The following FAM114A2 variants were observed in gnomAD, a reference collection of about 807,000 sequenced individuals.
FAM114A2 encodes the protein protein FAM114A2.
A neutral mutation model predicts 58.4 loss-of-function variants in FAM114A2; 53 were observed. The ratio of observed to expected loss-of-function variants is 0.91; its 90% CI spans 0.73 to 1.14. FAM114A2 has a LOEUF of 1.14. Among genes scored for constraint, FAM114A2 ranks in the 50% most tolerant of loss-of-function variants. The pLI, the probability that FAM114A2 is intolerant of heterozygous loss-of-function variation, is 0.00. For synonymous variants in FAM114A2, 228 were observed against 211.4 expected (o/e 1.08, Z -0.68); for missense variants, 601 against 581.1 (o/e 1.03, Z -0.35).
chr5:154,027,119 A>G, intron 7 of FAM114A2, 57 bp downstream of exon 7: 1 of 1,396,030 alleles, frequency 7.2e-7, no homozygotes, highest in Non-Finnish European at 9.9e-7. Context: ...AAAGGAAACC[A>G]TGCAGCATTC....
chr5:154,008,255 A>G (rs1470481985), intron 9 of FAM114A2, among the ~76,000 whole-genome samples: 1 of 152,124 alleles, frequency 6.6e-6, no homozygotes, highest in African/African-American at 2.4e-5. Context: ...AGGTGAATGG[A>G]GTGGAAGGGG....
intron 10 of FAM114A2, 48 bp downstream of exon 10, chr5:154,002,799 T>A: frequency 6.2e-7 from 1 of 1,607,888 alleles, no homozygotes; most frequent in Non-Finnish European, 8.5e-7. Flanking sequence ...TTGTGACACA[T>A]TTCAAATCTA....
In FAM114A2 at chr5:154,033,789, A is replaced by G; in HGVS notation, c.403+2T>C. ...TAGGTCTTTATGTTTCCATATACTGACCTGCTACATACTTGACTTCAGTTG... is the reference window on the plus strand; with the variant it reads ...TAGGTCTTTATGTTTCCATATACTGGCCTGCTACATACTTGACTTCAGTTG... On this transcript the variant is annotated splice_donor_variant, in intron 4 of 13. Coordinates refer to ENST00000351797, the MANE Select transcript of FAM114A2 (RefSeq NM_018691.4). LOFTEE classifies it high-confidence loss of function. 6.5e-7 allele frequency: 1 copy of G among 1,534,084 alleles called. No individual in the cohort carries two copies. The highest frequency in any genetic ancestry group is 9.0e-7 in the Non-Finnish European group (1 of 1,110,250).
intron 8 of FAM114A2, among the ~76,000 whole-genome samples, chr5:154,024,926 C>T (rs1381915628): frequency 1.3e-5 from 2 of 152,162 alleles, no homozygotes; most frequent in African/African-American, 2.4e-5. Context: ...AAGCTCACCA[C>T]AGCAGCAAAT....
chr5:154,004,363 C>G (rs970351915), intron 9 of FAM114A2, among the ~76,000 whole-genome samples: 2 of 152,132 alleles, frequency 1.3e-5, no homozygotes, highest in African/African-American at 2.4e-5. Context: ...AGCCTTCACT[C>G]TTTACTCGTC....
chr5:154,016,091 G>A (rs1363692589), intron 8 of FAM114A2, among the ~76,000 whole-genome samples: 1 of 151,988 alleles, frequency 6.6e-6, no homozygotes, highest in Non-Finnish European at 1.5e-5. Context: ...AAGAAAATAT[G>A]AACAAAGCAT....
intron 9 of FAM114A2, among the ~76,000 whole-genome samples, chr5:154,007,655 G>A (rs1770441713): frequency 6.6e-6 from 1 of 152,200 alleles, no homozygotes; most frequent in Non-Finnish European, 1.5e-5. Flanking sequence ...CATTAAGCAT[G>A]TAAACTATGT....
In FAM114A2 at chr5:153,993,081, G is replaced by A. The variant is rs147853164; in HGVS notation, c.1413C>T (p.Asp471=). ...EASNSASYIQ[D]AFQLLLPVLE... is the part of the protein sequence containing the mutation. ...GCACAGGTAAGAGTAGCTGAAAGGC[G>A]TCCTGGATGTAGGAGGCACTGTTTG... The change falls in exon 14 of 14, where the codon GAC becomes GAT. Residue 471 remains aspartate, a synonymous_variant. Transcript: ENST00000351797. 2.9e-4 allele frequency: 469 copies of A among 1,611,596 alleles called. No individual in the cohort carries two copies. The highest frequency in any genetic ancestry group is 3.6e-4 in the Non-Finnish European group (430 of 1,178,350).
intron 9 of FAM114A2, among the ~76,000 whole-genome samples, chr5:154,004,336 A>C (rs1770209143): frequency 6.6e-6 from 1 of 152,072 alleles, no homozygotes; most frequent in South Asian, 2.1e-4. Context: ...TTAAACGCCA[A>C]TATTATTTGG....
At chr5:154,023,713 C>T (rs1159809442) in intron 8 of FAM114A2, among the ~76,000 whole-genome samples, 1 of 152,032 alleles carries the variant, frequency 6.6e-6, no homozygotes, top group East Asian at 1.9e-4. Context: ...GCACCAAATT[C>T]TCACAAATCA....
intron 11 of FAM114A2, among the ~76,000 whole-genome samples, chr5:153,999,986 T>TAC (rs1003011091): frequency 1.3e-5 from 2 of 152,104 alleles, no homozygotes; most frequent in African/African-American, 4.8e-5. Flanking sequence ...TATATGTGTA[T>TAC]ACACACACAC....
intron 6 of FAM114A2, chr5:154,027,649 C>T (rs533000256): frequency 1.1e-3 from 225 of 208,168 alleles, no homozygotes; most frequent in African/African-American, 4.5e-3. Context: ...TATAGGCATA[C>T]GCCACCACGT....
chr5:154,028,102 C>T (rs1432662244), intron 6 of FAM114A2, 47 bp downstream of exon 6: 2 of 1,499,812 alleles, frequency 1.3e-6, no homozygotes, highest in South Asian at 1.3e-5. Flanking sequence ...GGCAAAAATA[C>T]AGATCAAAAC....
At chr5:154,012,582 C>G (rs1188809277) in intron 8 of FAM114A2, among the ~76,000 whole-genome samples, 1 of 152,168 alleles carries the variant, frequency 6.6e-6, no homozygotes, top group African/African-American at 2.4e-5. Context: ...AGGAATAAAA[C>G]AGTGTATCTT....
chr5:154,002,610 C>G (rs1402377605), intron 10 of FAM114A2, among the ~76,000 whole-genome samples: 1 of 152,164 alleles, frequency 6.6e-6, no homozygotes, highest in Non-Finnish European at 1.5e-5. Context: ...ATTTAGATAA[C>G]AAGTGTCAGG....
chr5:154,003,063 G>C (rs1770103753), intron 9 of FAM114A2, 94 bp from the exon 10 acceptor site: 2 of 1,144,824 alleles, frequency 1.7e-6, no homozygotes, highest in South Asian at 2.6e-5. Context: ...CTAGAAGTAA[G>C]GGCTCCTGTT....
intron 8 of FAM114A2, among the ~76,000 whole-genome samples, chr5:154,025,366 T>C (rs997473935): frequency 2.0e-5 from 3 of 152,158 alleles, no homozygotes; most frequent in Non-Finnish European, 2.9e-5. Flanking sequence ...TCTTGATCCA[T>C]GTTATGGCAC....
chr5:153,996,991 TAAAAA>T (rs57110256), intron 12 of FAM114A2, among the ~76,000 whole-genome samples: 3 of 121,300 alleles, frequency 2.5e-5, no homozygotes, highest in Non-Finnish European at 5.2e-5. Flanking sequence ...GAGCAAAACT[TAAAAA>T]AAAAAAAAAA....
At chr5:154,013,472 TG>T (rs1237754552) in intron 8 of FAM114A2, among the ~76,000 whole-genome samples, 14 of 152,116 alleles carry the variant, frequency 9.2e-5, no homozygotes, top group Admixed American at 9.2e-4. Context: ...CCAAAATCAC[TG>T]GGGAAGGCTG....
Sources: allele counts gnomAD v4.1 joint callset (sites outside exome capture counted in the v4.1 genomes callset), GRCh38; gene constraint gnomAD v4.1.1; transcripts MANE v1.5; gene names NCBI Gene and HGNC (gene_info 2026-07-23, HGNC 2026-07-21).